Variants in CKAP2 observed in about 807,000 individuals in gnomAD.
CKAP2 encodes cytoskeleton-associated protein 2.
A neutral mutation model predicts 58.4 loss-of-function variants in CKAP2; 46 were observed. The observed-to-expected ratio is 0.79, with a 90% CI of 0.62 to 1.01. CKAP2 has a LOEUF of 1.01. CKAP2 is among the 50% of genes least tolerant of loss of function. The probability of loss-of-function intolerance (pLI) is 0.00; values close to 1 mark genes in which losing one functional copy is unlikely to be tolerated. For synonymous variants in CKAP2, 293 were observed against 280.9 expected, an observed-to-expected ratio of 1.04 and a Z score of -0.43; for missense variants, 809 against 796.4, an observed-to-expected ratio of 1.02 and a Z score of -0.19.
rs1398571316 is a variant in CKAP2, at chr13:52,456,555, T to C, written c.103T>C (p.Leu35=). ...AAGACAAAAACTCAAGGAACATCTG[T>C]TGAGAAGAAAAACGCTTTTTGCATA... ...QRRQKLKEHL[L]RRKTLFAYKQ... is the part of the protein sequence containing the mutation. The change falls in exon 2 of 9, where the codon TTG becomes CTG. Residue 35 remains leucine (L), a synonymous_variant. Coordinates refer to ENST00000258607, the MANE Select transcript of CKAP2 (RefSeq NM_018204.5). 1 of 1,613,880 alleles carries C rather than the reference T, an allele frequency of 6.2e-7. No homozygotes were observed. The highest frequency in any genetic ancestry group is 1.7e-5 in the Admixed American group (1 of 59,972).
At chr13:52,462,240 C>T (rs371663867) in intron 4 of CKAP2, 123 bp from the exon 5 acceptor site, 49 of 799,376 alleles carry the variant, frequency 6.1e-5, no homozygotes, top group Non-Finnish European at 5.8e-5. Flanking sequence ...TTTCTTCAAG[C>T]TTGTGAACTA....
intron 8 of CKAP2, among the ~76,000 whole-genome samples, 192 bp from the exon 9 acceptor site, chr13:52,474,703 C>G (rs978976033): frequency 9.9e-5 from 15 of 152,140 alleles, no homozygotes; most frequent in Non-Finnish European, 1.5e-5. Context: ...CTACTGTATA[C>G]AAGTTGTAAT....
intron 2 of CKAP2, among the ~76,000 whole-genome samples, chr13:52,460,050 G>T (rs192253326): frequency 7.9e-5 from 12 of 151,998 alleles, no homozygotes; most frequent in African/African-American, 2.7e-4. Context: ...GTAGAGATGG[G>T]GTTTTGCCGT....
intron 3 of CKAP2, 36 bp from the exon 4 acceptor site, chr13:52,461,022 C>T (rs768152052): frequency 1.9e-6 from 3 of 1,604,804 alleles, no homozygotes; most frequent in Non-Finnish European, 2.5e-6. Flanking sequence ...TTCCATTTTG[C>T]CTTTCCTAAA....
chr13:52,470,394 C>T (rs748110422), intron 7 of CKAP2, among the ~76,000 whole-genome samples: 43 of 152,094 alleles, frequency 2.8e-4, no homozygotes, highest in Non-Finnish European at 5.6e-4. Context: ...TGTGAGCCAC[C>T]GCACCCGGCC....
At chr13:52,465,697 T>C (rs756772031) in intron 6 of CKAP2, 7 of 616,692 alleles carry the variant, frequency 1.1e-5, no homozygotes, top group South Asian at 1.1e-4. Flanking sequence ...CTGAAATGTA[T>C]ATTTAATGAA....
chr13:52,457,465 G>A (rs540061148), intron 2 of CKAP2, among the ~76,000 whole-genome samples: 8 of 152,268 alleles, frequency 5.3e-5, no homozygotes, highest in African/African-American at 1.9e-4. Context: ...ATCTTAGATA[G>A]TACATAGCTG....
rs369671577 is a variant in CKAP2 at position 52,455,479 on chromosome 13, C to T, written c.-78C>T. 1.1e-3 allele frequency: 1,759 copies of T among 1,548,262 alleles called. 14 individuals are homozygous for T. The African/African-American group carries it at 0.02, about 18-fold the overall frequency. On this transcript the variant is annotated 5_prime_UTR_variant, in exon 1 of 9. Transcript: ENST00000258607. ...GCCGTCTGACGGCTTAGCCGCGGTG[C>T]AGACTGCGGCGGCGGTGGTCTGAGG...
At chr13:52,471,353 T>C (rs1958759173) in intron 7 of CKAP2, among the ~76,000 whole-genome samples, 1 of 152,188 alleles carries the variant, frequency 6.6e-6, no homozygotes, top group Non-Finnish European at 1.5e-5. Context: ...TTCTAGCAGG[T>C]ATCATTAGTC....
chr13:52,469,572 A>G (rs921894234), intron 7 of CKAP2, among the ~76,000 whole-genome samples: 7 of 151,390 alleles, frequency 4.6e-5, no homozygotes, highest in Admixed American at 2.6e-4. Context: ...ATTGAATGAA[A>G]TAATATTTAT....
At chr13:52,465,705 G>GAT (rs1304743846) in intron 6 of CKAP2, 1 of 599,474 alleles carries the variant, frequency 1.7e-6, no homozygotes, top group Non-Finnish European at 3.1e-6. Context: ...TATATTTAAT[G>GAT]AAACTTTCTG....
intron 1 of CKAP2, chr13:52,455,929 T>C: frequency 8.7e-7 from 1 of 1,152,800 alleles, no homozygotes; most frequent in Non-Finnish European, 1.1e-6. Flanking sequence ...TCGGAGACCC[T>C]GGGTCCGCTT....
intron 7 of CKAP2, 152 bp downstream of exon 7, chr13:52,468,499 T>A (rs1594141662): frequency 1.8e-6 from 1 of 570,780 alleles, no homozygotes; most frequent in East Asian, 2.9e-5. Context: ...GTTGTACAGA[T>A]TATTTTATCA....
At chr13:52,469,969 GA>G (rs1958739146) in intron 7 of CKAP2, among the ~76,000 whole-genome samples, 1 of 151,930 alleles carries the variant, frequency 6.6e-6, no homozygotes, top group Admixed American at 6.6e-5. Context: ...ATTAACTTTA[GA>G]AAAATGGTTT....
chr13:52,469,020 A>G (rs1206912288), intron 7 of CKAP2, among the ~76,000 whole-genome samples: 1 of 152,146 alleles, frequency 6.6e-6, no homozygotes, highest in Non-Finnish European at 1.5e-5. Flanking sequence ...CTTTTTCTCC[A>G]CAACCCTGCC....
intron 4 of CKAP2, 79 bp downstream of exon 4, chr13:52,462,005 C>G: frequency 7.7e-7 from 1 of 1,299,104 alleles, no homozygotes; most frequent in Non-Finnish European, 1.0e-6. Flanking sequence ...ATTTCCTTGA[C>G]TGCATTAGAA....
chr13:52,466,964 T>G (rs533315795), intron 6 of CKAP2, among the ~76,000 whole-genome samples: 2 of 151,858 alleles, frequency 1.3e-5, no homozygotes, highest in African/African-American at 4.8e-5. Flanking sequence ...GTTTTTTTTT[T>G]GGTGGTAGAC....
At chr13:52,468,511 C>A (rs1958715207) in intron 7 of CKAP2, among the ~76,000 whole-genome samples, 164 bp downstream of exon 7, 1 of 152,134 alleles carries the variant, frequency 6.6e-6, no homozygotes, top group South Asian at 2.1e-4. Context: ...ATTTTATCAC[C>A]CAGGTATTAA....
intron 5 of CKAP2, among the ~76,000 whole-genome samples, chr13:52,464,553 CAAAAAAAA>C (rs66481844): frequency 2.5e-5 from 2 of 80,114 alleles, no homozygotes; most frequent in African/African-American, 1.1e-4. Context: ...AACTCCGTCT[CAAAAAAAA>C]AAAAAAAAAA....
Sources: gnomAD v4.1 joint callset for allele counts (sites outside exome capture counted in the v4.1 genomes callset) on GRCh38, gnomAD v4.1.1 for gene constraint, MANE v1.5 for transcripts, NCBI Gene and HGNC (gene_info 2026-07-23, HGNC 2026-07-21) for gene names.